Variants in FRAS1 observed in about 807,000 individuals in gnomAD.
FRAS1 encodes the protein Fraser extracellular matrix complex subunit 1.
Under a neutral mutation model 435.2 loss-of-function variants are expected in FRAS1, and 290 were observed. The ratio of observed to expected loss-of-function variants is 0.67; its 90% CI spans 0.61 to 0.73. The LOEUF is 0.73. Among genes scored for constraint, FRAS1 ranks in the 30% least tolerant of loss-of-function variants. The pLI is 0.00. For synonymous variants in FRAS1, 1,800 were observed against 1,851.0 expected, an observed-to-expected ratio of 0.97 and a Z score of 0.71; for missense variants, 4,860 against 5,001.5, an observed-to-expected ratio of 0.97 and a Z score of 0.85.
chr4:78,339,194 G>A (rs1730305001), intron 20 of FRAS1, among the ~76,000 whole-genome samples: 1 of 152,176 alleles, frequency 6.6e-6, no homozygotes, highest in Admixed American at 6.5e-5. Context: ...GGGATGGAAG[G>A]GGCTGTTATT....
At chr4:78,086,522 C>A (rs1383225722) in intron 2 of FRAS1, among the ~76,000 whole-genome samples, 1 of 151,982 alleles carries the variant, frequency 6.6e-6, no homozygotes, top group Non-Finnish European at 1.5e-5. Flanking sequence ...AATTGATAGA[C>A]CACTATCAAG....
At chr4:78,187,262 G>T (rs1560570249) in intron 2 of FRAS1, among the ~76,000 whole-genome samples, 1 of 152,178 alleles carries the variant, frequency 6.6e-6, no homozygotes. Context: ...GTGATGAAAG[G>T]GGAGAGGGCC....
rs941630681 is a variant in FRAS1 at position 78,482,301 on chromosome 4, A to G, written c.8605-87A>G. 13 of 1,441,224 alleles carry G rather than the reference A, an allele frequency of 9.0e-6. 1 individual carries two copies. The highest frequency in any genetic ancestry group is 1.3e-5 in the Non-Finnish European group (13 of 1,034,050). The allele number at this position is 1,441,224 out of a possible 1,614,324, so 89.3% of individuals were successfully genotyped here. A position where few individuals can be genotyped will look rare whatever the true frequency, so the allele number is the denominator to read the frequency against. ...ATCTTACTTTAAAACCACCAAAGACAGGCAAGTTGTGACCTTTGCCCTAGT... is the reference window on the plus strand; with the variant it reads ...ATCTTACTTTAAAACCACCAAAGACGGGCAAGTTGTGACCTTTGCCCTAGT... On this transcript the variant is annotated intron_variant, in intron 57 of 73. Transcript: ENST00000512123.
At chr4:78,182,499 A>C (rs1351154266) in intron 2 of FRAS1, among the ~76,000 whole-genome samples, 10 of 152,224 alleles carry the variant, frequency 6.6e-5, no homozygotes, top group Non-Finnish European at 1.5e-4. Flanking sequence ...AGCAGAGTGC[A>C]GGAGAAAAGT....
chr4:78,336,904 T>C (rs1730191634), intron 19 of FRAS1, among the ~76,000 whole-genome samples: 1 of 152,182 alleles, frequency 6.6e-6, no homozygotes. Flanking sequence ...GCAGCGTCAA[T>C]GCAGCTGCAG....
At chr4:78,305,769 A>T (rs941271355) in intron 14 of FRAS1, among the ~76,000 whole-genome samples, 1 of 151,576 alleles carries the variant, frequency 6.6e-6, no homozygotes, top group Non-Finnish European at 1.5e-5. Context: ...TGCACATGAG[A>T]TGGGTTTCCT....
At chr4:78,099,927 G>A (rs1270233100) in intron 2 of FRAS1, among the ~76,000 whole-genome samples, 2 of 152,158 alleles carry the variant, frequency 1.3e-5, no homozygotes, top group Non-Finnish European at 1.5e-5. Flanking sequence ...TCTAGAAAAG[G>A]AAATTTTTTC....
chr4:78,446,315 C>T (rs983782243), intron 42 of FRAS1: 2 of 1,017,996 alleles, frequency 2.0e-6, no homozygotes, highest in Non-Finnish European at 2.3e-6. Context: ...TTTAGAGACC[C>T]ACACTTTCAA....
intron 40 of FRAS1, among the ~76,000 whole-genome samples, chr4:78,440,688 C>T (rs1734625039): frequency 6.6e-6 from 1 of 152,304 alleles, no homozygotes; most frequent in East Asian, 1.9e-4. Flanking sequence ...TTGCTACACA[C>T]CTATAAATAT....
intron 14 of FRAS1, among the ~76,000 whole-genome samples, chr4:78,301,635 G>A (rs1728401319): frequency 6.6e-6 from 1 of 152,138 alleles, no homozygotes; most frequent in Admixed American, 6.5e-5. Context: ...TGGTGCTGCA[G>A]GTGGGAGGTG....
intron 2 of FRAS1, among the ~76,000 whole-genome samples, chr4:78,148,034 T>C (rs1203208515): frequency 6.6e-6 from 1 of 152,198 alleles, no homozygotes; most frequent in East Asian, 1.9e-4. Flanking sequence ...TTGTCTGGAA[T>C]AGTATGTGAA....
Position 78,439,111 on chromosome 4 carries a change from G to C in FRAS1, c.5529+47G>C, listed in dbSNP as rs1281038994. The C allele has an allele frequency of 4.1e-6, 6 of 1,477,412 alleles. No homozygotes were observed. The South Asian group carries it at 7.5e-5, about 19-fold the overall frequency. The allele number at this position is 1,477,412 out of a possible 1,614,324, so 91.5% of individuals were successfully genotyped here. ...AAACAGTGAGTACTATAGAGAGCTGGAATCCGTAGTAATGTAAATGAAGGA... is the reference window on the plus strand; with the variant it reads ...AAACAGTGAGTACTATAGAGAGCTGCAATCCGTAGTAATGTAAATGAAGGA... On this transcript the variant is annotated intron_variant, in intron 40 of 73. Coordinates refer to ENST00000512123, the MANE Select transcript of FRAS1 (RefSeq NM_025074.7).
rs548152412 is a variant in FRAS1 at position 78,307,350 on chromosome 4, T to C, written c.1535-716T>C. 1.6e-3 allele frequency among the ~76,000 whole-genome samples: 250 copies of C among 152,316 alleles called. 2 individuals carry two copies. The highest frequency in any genetic ancestry group is 5.8e-3 in the African/African-American group (240 of 41,566). ...GTGCCCTGCCCCCAGAGGTGGAGCC[T>C]ATAGAGGCAGGCAGGCCTCCTTGAA... On this transcript the variant is annotated intron_variant, in intron 14 of 73. Transcript: ENST00000512123.
chr4:78,360,127 G>GA (rs1731021746), intron 20 of FRAS1, among the ~76,000 whole-genome samples: 1 of 152,206 alleles, frequency 6.6e-6, no homozygotes, highest in African/African-American at 2.4e-5. Context: ...GGCACAGAAA[G>GA]AGAACCCAGC....
At chr4:78,461,618 T>G (rs992063529) in intron 47 of FRAS1, among the ~76,000 whole-genome samples, 3 of 152,172 alleles carry the variant, frequency 2.0e-5, no homozygotes, top group Non-Finnish European at 4.4e-5. Context: ...CGCACTAAGA[T>G]CAAGCCCAGC....
chr4:78,536,899 C>T, intron 71 of FRAS1, 96 bp from the exon 72 acceptor site: 1 of 929,398 alleles, frequency 1.1e-6, no homozygotes, highest in Non-Finnish European at 1.7e-6. Flanking sequence ...GTGCTTTTCA[C>T]TCTTAAGGGA....
chr4:78,386,984 A>T (rs1174787390), intron 28 of FRAS1, among the ~76,000 whole-genome samples: 1 of 152,210 alleles, frequency 6.6e-6, no homozygotes, highest in Non-Finnish European at 1.5e-5. Flanking sequence ...CCTCAGAGTC[A>T]GTATACCACA....
At chr4:78,321,169 G>C (rs1177302436) in intron 18 of FRAS1, among the ~76,000 whole-genome samples, 3 of 152,206 alleles carry the variant, frequency 2.0e-5, no homozygotes, top group Non-Finnish European at 2.9e-5. Context: ...CATGAGCCAG[G>C]CACTGTGAGA....
intron 14 of FRAS1, among the ~76,000 whole-genome samples, chr4:78,296,994 A>T (rs1449825178): frequency 6.6e-6 from 1 of 152,204 alleles, no homozygotes; most frequent in Non-Finnish European, 1.5e-5. Flanking sequence ...TCAAGACAGA[A>T]AAAATTTTTC....
Sources: gnomAD v4.1 joint callset for allele counts (sites outside exome capture counted in the v4.1 genomes callset) on GRCh38, gnomAD v4.1.1 for gene constraint, MANE v1.5 for transcripts, NCBI Gene and HGNC (gene_info 2026-07-23, HGNC 2026-07-21) for gene names.